The following TRHDE variants were observed in gnomAD, a reference collection of about 807,000 sequenced individuals.
TRHDE encodes the protein thyrotropin releasing hormone degrading enzyme.
In TRHDE, 72 loss-of-function variants were observed where a neutral mutation model predicts 125.7. The observed-to-expected ratio is 0.57, with a 90% CI of 0.47 to 0.70. The LOEUF (loss-of-function observed/expected upper bound fraction) is 0.70, where lower values mean the gene tolerates loss of function less well. Among genes scored for constraint, TRHDE ranks in the 30% least tolerant of loss-of-function variants. TRHDE has a pLI of 0.00. For synonymous variants in TRHDE, 509 were observed against 509.1 expected (o/e 1.00, Z 0.00); for missense variants, 1,110 against 1,327.1 (o/e 0.84, Z 2.54).
At chr12:72,553,989 A>G (rs532446961) in intron 7 of TRHDE, among the ~76,000 whole-genome samples, 5 of 151,816 alleles carry the variant, frequency 3.3e-5, no homozygotes, top group African/African-American at 9.7e-5. Context: ...CTGGGATTAC[A>G]GGTGGCTGCC....
At chr12:72,638,435 T>A (rs574630378) in intron 15 of TRHDE, among the ~76,000 whole-genome samples, 70 of 152,062 alleles carry the variant, frequency 4.6e-4, no homozygotes, top group African/African-American at 1.6e-3. Context: ...TACAGCACAC[T>A]GATGGGTCTT....
At chr12:72,415,932 T>C (rs1342466241) in intron 3 of TRHDE, among the ~76,000 whole-genome samples, 5 of 152,106 alleles carry the variant, frequency 3.3e-5, no homozygotes, top group Admixed American at 2.0e-4. Flanking sequence ...ATGGTGGCTC[T>C]ATTTTTGTTT....
intron 2 of TRHDE, among the ~76,000 whole-genome samples, chr12:72,309,221 G>A (rs965961851): frequency 3.9e-5 from 6 of 152,078 alleles, no homozygotes; most frequent in African/African-American, 1.4e-4. Context: ...AAGGCAGATG[G>A]TATTTGTTTG....
At chr12:72,474,676 G>A (rs370284051) in intron 5 of TRHDE, among the ~76,000 whole-genome samples, 111 of 152,060 alleles carry the variant, frequency 7.3e-4, no homozygotes, top group African/African-American at 2.6e-3. Context: ...TCAGTGGATC[G>A]ATTGCTTCCA....
intron 1 of TRHDE, among the ~76,000 whole-genome samples, chr12:72,285,267 G>C (rs990965276): frequency 2.6e-5 from 4 of 152,122 alleles, no homozygotes; most frequent in African/African-American, 7.2e-5. Context: ...CCAAGTTCGG[G>C]TTTGGTGGGA....
chr12:72,218,478 G>A (rs1211124686), intron 2 of TRHDE, among the ~76,000 whole-genome samples: 1 of 152,044 alleles, frequency 6.6e-6, no homozygotes, highest in African/African-American at 2.4e-5. Flanking sequence ...ATAACCCCAT[G>A]TATTAGTTTC....
intron 6 of TRHDE, among the ~76,000 whole-genome samples, chr12:72,528,456 T>C (rs1397684433): frequency 2.0e-5 from 3 of 152,234 alleles, no homozygotes; most frequent in Non-Finnish European, 4.4e-5. Flanking sequence ...TACTCACAAG[T>C]TCTGAACTGA....
At chr12:72,249,580 A>G (rs1407408891) in intron 2 of TRHDE, among the ~76,000 whole-genome samples, 2 of 152,240 alleles carry the variant, frequency 1.3e-5, no homozygotes, top group Admixed American at 1.3e-4. Context: ...ATTATTAGTC[A>G]TCAGGAAAAT....
At chr12:72,531,837 C>T (rs924200760) in intron 6 of TRHDE, among the ~76,000 whole-genome samples, 5 of 152,000 alleles carry the variant, frequency 3.3e-5, no homozygotes, top group Non-Finnish European at 7.4e-5. Context: ...TTTATTTCTG[C>T]TCCAACATTA....
intron 1 of TRHDE, among the ~76,000 whole-genome samples, chr12:72,094,036 C>T (rs546580638): frequency 2.6e-5 from 4 of 152,224 alleles, no homozygotes; most frequent in East Asian, 1.9e-4. Context: ...GTGGTTGAAT[C>T]GGATTGGAGC....
upstream of TRHDE, among the ~76,000 whole-genome samples, chr12:72,271,355 T>C (rs748693235): frequency 6.6e-6 from 1 of 152,174 alleles, no homozygotes; most frequent in Non-Finnish European, 1.5e-5. Context: ...CAGCCACATC[T>C]CCCTAGCAGG....
At chr12:72,557,110 T>C (rs7978934) in intron 7 of TRHDE, among the ~76,000 whole-genome samples, 40,670 of 152,142 alleles carry the variant, frequency 0.27, 8,234 homozygotes, top group African/African-American at 0.54. Context: ...CTCCTTAAGA[T>C]GCAGTAACAG....
At position 72,457,555 on chromosome 12, in the gene TRHDE, G is replaced by A. The variant is rs924989417; in HGVS notation, c.1316-12203G>A. ...AAAAATTAAGCAACCTTTGGGTATC[G>A]GCGTTTTTTTTTTCCTCAGGGGCTT... On this transcript the variant is annotated intron_variant, in intron 3 of 18. Transcript: ENST00000261180. Among the ~76,000 whole-genome samples the A allele has an allele frequency of 5.3e-5, 8 of 151,914 alleles. No homozygotes were observed. The East Asian group carries it at 9.7e-4, about 18-fold the overall frequency.
rs1206096991 is a variant in TRHDE at position 72,239,810 on chromosome 12, T to C, written n.279+134058T>C. Among the ~76,000 whole-genome samples, 3 of 152,190 alleles carry C rather than the reference T, an allele frequency of 2.0e-5. No individual in the cohort carries two copies. The East Asian group carries it at 5.8e-4, about 29-fold the overall frequency. ...ATACTATCATAAGAGACAAAAGTCT[T>C]GAATAGATCAAGTCTGAGGACACAG... On this transcript the variant is annotated intron_variant and non_coding_transcript_variant, in intron 2 of 4. Transcript: ENST00000548156.
chr12:72,107,334 T>G (rs1875211131), intron 2 of TRHDE, among the ~76,000 whole-genome samples: 1 of 152,142 alleles, frequency 6.6e-6, no homozygotes, highest in African/African-American at 2.4e-5. Flanking sequence ...TTCTCACTGA[T>G]AGAAATCTGG....
chr12:72,569,012 T>C (rs987928312), intron 10 of TRHDE, among the ~76,000 whole-genome samples: 1 of 152,056 alleles, frequency 6.6e-6, no homozygotes, highest in African/African-American at 2.4e-5. Context: ...ACAGGTCTCA[T>C]TTTTACACTT....
chr12:72,226,226 C>G (rs1458154871), intron 2 of TRHDE, among the ~76,000 whole-genome samples: 1 of 152,116 alleles, frequency 6.6e-6, no homozygotes, highest in Admixed American at 6.6e-5. Context: ...ACATTGCTGA[C>G]CATGGCAAGT....
At chr12:72,268,170 T>C (rs1879109764), upstream of TRHDE, among the ~76,000 whole-genome samples, 1 of 152,140 alleles carries the variant, frequency 6.6e-6, no homozygotes. Context: ...TTTTTTCATA[T>C]TGGTCTCCAG....
At chr12:72,649,288 A>T (rs1874408590) in intron 15 of TRHDE, among the ~76,000 whole-genome samples, 1 of 142,428 alleles carries the variant, frequency 7.0e-6, no homozygotes, top group Admixed American at 7.0e-5. Context: ...ACAAAAAGAT[A>T]AAAAAAAAAA....
Sources: gnomAD v4.1 joint callset for allele counts (sites outside exome capture counted in the v4.1 genomes callset) on GRCh38, gnomAD v4.1.1 for gene constraint, MANE v1.5 for transcripts, NCBI Gene and HGNC (gene_info 2026-07-23, HGNC 2026-07-21) for gene names.